SLC38A9: variants seen among roughly 807,000 people sequenced by gnomAD.
SLC38A9 encodes the protein neutral amino acid transporter 9.
In SLC38A9, 48 loss-of-function variants were observed where a neutral mutation model predicts 62.3. The ratio of observed to expected loss-of-function variants is 0.77; its 90% CI spans 0.61 to 0.98. The LOEUF is 0.98. Ranked by LOEUF, SLC38A9 falls within the 50% of genes least tolerant of loss-of-function variation. The probability of loss-of-function intolerance (pLI) is 0.00; values close to 1 mark genes in which losing one functional copy is unlikely to be tolerated. For missense variants in SLC38A9, 541 were observed against 679.8 expected (o/e 0.80, Z 2.27); for synonymous variants, 204 against 227.7 (o/e 0.90, Z 0.94).
chr5:55,684,296 G>C (rs758883069), intron 3 of SLC38A9, among the ~76,000 whole-genome samples: 2 of 151,882 alleles, frequency 1.3e-5, no homozygotes, highest in Non-Finnish European at 2.9e-5. Context: ...TCTTACACTT[G>C]GCTAGTTTTT....
chr5:55,667,045 A>G (rs1750593148), intron 7 of SLC38A9, among the ~76,000 whole-genome samples: 1 of 151,596 alleles, frequency 6.6e-6, no homozygotes, highest in African/African-American at 2.4e-5. Flanking sequence ...AAATACAAAA[A>G]TTAACCAGGC....
At chr5:55,683,903 G>A (rs930570152) in intron 3 of SLC38A9, among the ~76,000 whole-genome samples, 2 of 151,996 alleles carry the variant, frequency 1.3e-5, no homozygotes, top group African/African-American at 2.4e-5. Flanking sequence ...GATTATAAAC[G>A]TGGTGTATAC....
At chr5:55,706,822 G>T (rs891365779) in intron 2 of SLC38A9, among the ~76,000 whole-genome samples, 1 of 152,020 alleles carries the variant, frequency 6.6e-6, no homozygotes, top group Admixed American at 6.6e-5. Context: ...CAGAGCCAAG[G>T]TGGAATTTTT....
chr5:55,646,550 C>T (rs1193193040), intron 11 of SLC38A9, among the ~76,000 whole-genome samples: 1 of 152,074 alleles, frequency 6.6e-6, no homozygotes, highest in African/African-American at 2.4e-5. Flanking sequence ...TATGAAAGGG[C>T]AAACTGGTCA....
chr5:55,692,596 A>C (rs1305467379), intron 3 of SLC38A9: 1 of 981,990 alleles, frequency 1.0e-6, no homozygotes, highest in Non-Finnish European at 1.2e-6. Flanking sequence ...TTACCTAGGT[A>C]GTTATGCCAT....
intron 8 of SLC38A9, among the ~76,000 whole-genome samples, chr5:55,658,364 G>A (rs1748845336): frequency 6.6e-6 from 1 of 152,160 alleles, no homozygotes; most frequent in Non-Finnish European, 1.5e-5. Context: ...ATGTTGGCCA[G>A]GCTGGTCTCA....
intron 8 of SLC38A9, among the ~76,000 whole-genome samples, chr5:55,661,962 T>C (rs926123073): frequency 6.6e-6 from 1 of 152,022 alleles, no homozygotes; most frequent in African/African-American, 2.4e-5. Flanking sequence ...TAAAACCACA[T>C]CCTGATGGCA....
At chr5:55,681,418 T>C (rs1006929330) in intron 3 of SLC38A9, among the ~76,000 whole-genome samples, 1 of 152,222 alleles carries the variant, frequency 6.6e-6, no homozygotes, top group Non-Finnish European at 1.5e-5. Context: ...ATTTTTATCA[T>C]ACCACTTTTT....
chr5:55,630,598 G>A (rs1438322375), intron 14 of SLC38A9, among the ~76,000 whole-genome samples: 1 of 152,142 alleles, frequency 6.6e-6, no homozygotes, highest in African/African-American at 2.4e-5. Context: ...TTACAGGTGT[G>A]AGCCACCACG....
In SLC38A9 at chr5:55,635,677, G is replaced by C; in HGVS notation, c.1168-20C>G. On this transcript the variant is annotated intron_variant, in intron 12 of 15. Transcript: ENST00000396865. ...CCTCACCTGTAAATACAGAACAAAA[G>C]TCCCATAATACTGAAGAACCTTGTA... is the stretch of plus-strand genomic sequence containing the variant. 1 of 1,521,452 alleles carries C rather than the reference G, an allele frequency of 6.6e-7. No individual in the cohort carries two copies. Among genetic ancestry groups the C allele is most frequent in the Non-Finnish European group, 9.1e-7 (1 of 1,096,336 alleles). The allele number at this position is 1,521,452 out of a possible 1,614,324, so 94.2% of individuals were successfully genotyped here.
At chr5:55,669,426 T>A (rs1467023777) in intron 6 of SLC38A9, 105 bp from the exon 7 acceptor site, 1 of 1,315,038 alleles carries the variant, frequency 7.6e-7, no homozygotes, top group African/African-American at 1.5e-5. Context: ...TGACAACTCA[T>A]GAAAAACTAA....
chr5:55,710,697 C>T (rs1196720456), intron 2 of SLC38A9, among the ~76,000 whole-genome samples: 4 of 151,840 alleles, frequency 2.6e-5, no homozygotes, highest in African/African-American at 9.7e-5. Flanking sequence ...CTCACTGCAA[C>T]CTCCGCCTCC....
intron 6 of SLC38A9, 27 bp from the exon 7 acceptor site, chr5:55,669,348 GCATATAT>G: frequency 6.4e-7 from 1 of 1,550,912 alleles, no homozygotes; most frequent in Non-Finnish European, 8.8e-7. Context: ...GTATAAAACA[GCATATAT>G]CATCATGTAA....
At chr5:55,698,575 A>C (rs3914032) in intron 2 of SLC38A9, among the ~76,000 whole-genome samples, 90,766 of 151,602 alleles carry the variant, frequency 0.6, 27,705 homozygotes, top group South Asian at 0.7. Context: ...CCTTTGCAAT[A>C]AGAGTAAGGT....
chr5:55,706,725 T>C (rs1757339922), intron 2 of SLC38A9, among the ~76,000 whole-genome samples: 1 of 152,188 alleles, frequency 6.6e-6, no homozygotes, highest in Non-Finnish European at 1.5e-5. Flanking sequence ...GTAAGAAAAC[T>C]GGTAATTTGC....
intron 7 of SLC38A9, 161 bp from the exon 8 acceptor site, chr5:55,665,024 T>C: frequency 5.3e-6 from 2 of 377,776 alleles, no homozygotes. Flanking sequence ...TAAAACATTA[T>C]AGAAAAATAA....
At chr5:55,627,655 A>G (rs1329823284) in intron 15 of SLC38A9, among the ~76,000 whole-genome samples, 1 of 150,958 alleles carries the variant, frequency 6.6e-6, no homozygotes, top group African/African-American at 2.5e-5. Flanking sequence ...GAAAAAGAAA[A>G]TGATGCCTGA....
intron 12 of SLC38A9, among the ~76,000 whole-genome samples, chr5:55,640,676 A>C (rs534080950): frequency 6.6e-6 from 1 of 152,346 alleles, no homozygotes; most frequent in East Asian, 1.9e-4. Context: ...GCAGGGTAGT[A>C]TGAGATTATA....
At chr5:55,651,245 C>CTTTTTTTTT (rs1561337614) in intron 10 of SLC38A9, among the ~76,000 whole-genome samples, 1 of 56,168 alleles carries the variant, frequency 1.8e-5, no homozygotes, top group East Asian at 3.5e-4. Context: ...TTCCTTTTGC[C>CTTTTTTTTT]ATCTTTTTTT....
Sources: gnomAD v4.1 joint callset for allele counts (sites outside exome capture counted in the v4.1 genomes callset) on GRCh38, gnomAD v4.1.1 for gene constraint, MANE v1.5 for transcripts, NCBI Gene and HGNC (gene_info 2026-07-23, HGNC 2026-07-21) for gene names.